Variants in OR9K2 observed in about 807,000 individuals in gnomAD.
OR9K2 encodes the protein olfactory receptor 9K2.
A neutral mutation model predicts 12.4 loss-of-function variants in OR9K2; 16 were observed. The ratio of observed to expected loss-of-function variants is 1.29; its 90% CI spans 0.87 to 1.95. OR9K2 has a LOEUF of 1.95. OR9K2 is among the 30% of genes most tolerant of loss of function. The pLI, the probability that OR9K2 is intolerant of heterozygous loss-of-function variation, is 0.00. For synonymous variants in OR9K2, 133 were observed against 133.2 expected, an observed-to-expected ratio of 1.00 and a Z score of 0.01; for missense variants, 434 against 376.5, an observed-to-expected ratio of 1.15 and a Z score of -1.26.
rs1329098761 is a variant in OR9K2, at chr12:55,131,052, T to A, written c.*276T>A. 3 of 272,288 alleles carry A rather than the reference T, an allele frequency of 1.1e-5. No homozygotes were observed. Among genetic ancestry groups the A allele is most frequent in the African/African-American group, 2.2e-5 (1 of 44,942 alleles). The allele number at this position is 272,288 out of a possible 1,614,324, so 16.9% of individuals were successfully genotyped here. ...TCACAGAATTTATATCTATTGATTC[T>A]TGTGGCATAATGTAGAACAATATTT... On this transcript the variant is annotated 3_prime_UTR_variant, in exon 3 of 3. Transcript: ENST00000641329.
In OR9K2 at chr12:55,130,086, T is replaced by C; in HGVS notation, c.252T>C (p.Ala84=). ...LFYSSVIEPK[A]MINFWSENKS... ...ATTCATCTGTTATTGAACCCAAGGC[T>C]ATGATCAACTTCTGGTCTGAAAACA... Residue 84 remains alanine (A), a synonymous_variant, in exon 3 of 3, where the codon GCT becomes GCC. Transcript: ENST00000641329. The C allele has an allele frequency of 1.2e-6, 2 of 1,613,064 alleles. No homozygotes were observed. The highest frequency in any genetic ancestry group is 2.2e-5 in the South Asian group (2 of 91,090).
At chr12:55,126,666 G>C (rs966891135) in intron 1 of OR9K2, 150 bp downstream of exon 1, 4 of 152,092 alleles carry the variant, frequency 2.6e-5, no homozygotes, top group Non-Finnish European at 4.4e-5. Context: ...TTTTAAAATA[G>C]AGCAATGAGG....
At chr12:55,128,927 A>T (rs1031833857) in intron 2 of OR9K2, among the ~76,000 whole-genome samples, 56 of 152,160 alleles carry the variant, frequency 3.7e-4, no homozygotes, top group African/African-American at 1.2e-3. Flanking sequence ...ATGGACACAT[A>T]GAGGGGAAAA....
rs1953456474 is a variant in OR9K2 at position 55,129,927 on chromosome 12, C to T, written c.93C>T (p.Phe31=). 2 of 1,613,890 alleles carry T rather than the reference C, an allele frequency of 1.2e-6. No individual in the cohort carries two copies. Among genetic ancestry groups the T allele is most frequent in the Admixed American group, 3.3e-5 (2 of 59,978 alleles). Residue 31 remains phenylalanine (F), a synonymous_variant, in exon 3 of 3, where the codon TTC becomes TTT. Transcript: ENST00000641329. ...RVRPELHILL[F]LLFLFVYAMI... ...GCCCAGAGCTCCACATTCTCCTCTT[C>T]CTGCTATTTTTGTTTGTTTATGCCA... is the stretch of plus-strand genomic sequence containing the variant.
chr12:55,130,194 C>A lies in OR9K2; in HGVS notation c.360C>A (p.Ala120=). The A allele has an allele frequency of 6.2e-7, 1 of 1,614,108 alleles. No homozygotes were observed. The highest frequency in any genetic ancestry group is 8.5e-7 in the Non-Finnish European group (1 of 1,180,004). ...LIVTEGFLLA[A]MAYDRFIAIC... is the part of the protein sequence containing the mutation. ...TGACTGAGGGATTTCTCCTGGCGGC[C>A]ATGGCTTATGACCGCTTTATTGCCA... Residue 120 remains alanine (A), a synonymous_variant, in exon 3 of 3, where the codon GCC becomes GCA. Transcript: ENST00000641329.
intron 2 of OR9K2, among the ~76,000 whole-genome samples, chr12:55,129,025 T>C (rs1592489346): frequency 1.3e-5 from 2 of 152,056 alleles, no homozygotes; most frequent in South Asian, 4.1e-4. Context: ...CTTAATACCC[T>C]GGTGATTAAA....
chr12:55,126,704 G>T (rs1953430905), intron 1 of OR9K2, 124 bp from the exon 2 acceptor site: 1 of 152,094 alleles, frequency 6.6e-6, no homozygotes, highest in African/African-American at 2.4e-5. Flanking sequence ...TCTATGGGAA[G>T]AATCTAAAAC....
chr12:55,130,217 C>T lies in OR9K2; in HGVS notation c.383C>T (p.Ala128Val), dbSNP rs1195561507. 9 of 1,613,978 alleles carry T rather than the reference C, an allele frequency of 5.6e-6. No homozygotes were observed. Among genetic ancestry groups the T allele is most frequent in the Non-Finnish European group, 6.8e-6 (8 of 1,179,998 alleles). ...GCCATGGCTTATGACCGCTTTATTG[C>T]CATCTGCAACCCTCTGCTCTACTCT... ...LAAMAYDRFI[A>V]ICNPLLYSVQ... The change falls in exon 3 of 3, where the codon GCC becomes GTC. Residue 128 changes from alanine (A) to valine (V), a missense_variant. Ala to Val is a moderately conservative substitution (Grantham distance 64). Transcript: ENST00000641329.
chr12:55,127,639 C>G (rs1452881626), intron 2 of OR9K2, among the ~76,000 whole-genome samples: 1 of 151,936 alleles, frequency 6.6e-6, no homozygotes, highest in Non-Finnish European at 1.5e-5. Context: ...TTCCATTTCT[C>G]CAAGAGTTCT....
rs1395277754 is a variant in OR9K2, at chr12:55,130,629, T to G, written c.795T>G (p.Pro265=). ...CTGTCTTTTTTATGTATCTCACTCC[T>G]GACAGATTTCCTGAGCTGAGTAAAG... ...YGAVFFMYLT[P]DRFPELSKVA... Residue 265 remains proline (P), a synonymous_variant, in exon 3 of 3, where the codon CCT becomes CCG. Coordinates refer to ENST00000641329, the MANE Select transcript of OR9K2 (RefSeq NM_001005243.2). The G allele has an allele frequency of 6.2e-7, 1 of 1,613,984 alleles. No homozygotes were observed. The highest frequency in any genetic ancestry group is 1.1e-5 in the South Asian group (1 of 91,076).
At chr12:55,129,480 C>T (rs1422820868) in intron 2 of OR9K2, among the ~76,000 whole-genome samples, 4 of 152,084 alleles carry the variant, frequency 2.6e-5, no homozygotes, top group Non-Finnish European at 4.4e-5. Context: ...TGCTCTCTTC[C>T]AGTCACTGCT....
Position 55,132,277 on chromosome 12 carries a change from G to A in OR9K2, c.*1501G>A, listed in dbSNP as rs540601489. 1.3e-5 allele frequency: 2 copies of A among 152,294 alleles called. No individual in the cohort carries two copies. Among genetic ancestry groups the A allele is most frequent in the South Asian group, 2.1e-4 (1 of 4,824 alleles). The allele number at this position is 152,294 out of a possible 1,614,324, so 9.4% of individuals were successfully genotyped here. Reference sequence around the variant, plus strand: ...GAAATAAAAGTGTTATGGGTTGAATGGTATTCCCTCAAAATTCATGTGTTG... The same window carrying A: ...GAAATAAAAGTGTTATGGGTTGAATAGTATTCCCTCAAAATTCATGTGTTG... On this transcript the variant is annotated 3_prime_UTR_variant, in exon 3 of 3. Coordinates refer to ENST00000641329, the MANE Select transcript of OR9K2 (RefSeq NM_001005243.2).
Position 55,132,398 on chromosome 12 carries a change from T to C in OR9K2, c.*1622T>C, listed in dbSNP as rs1953481125. The stretch of plus-strand genomic sequence containing the variant: ...TAAAATAAGGCTGTAAGATAAATCC[T>C]AATTCAGTATCATTTGTGTCCCTAT... On this transcript the variant is annotated 3_prime_UTR_variant, in exon 3 of 3. Transcript: ENST00000641329. 1 of 152,236 alleles carries C rather than the reference T, an allele frequency of 6.6e-6. No homozygotes were observed. The highest frequency in any genetic ancestry group is 2.4e-5 in the African/African-American group (1 of 41,470). 9.4% of individuals were successfully genotyped at this position (152,236 alleles called of 1,614,324 possible).
At chr12:55,127,197 T>A (rs1317858923) in intron 2 of OR9K2, among the ~76,000 whole-genome samples, 5 of 151,924 alleles carry the variant, frequency 3.3e-5, no homozygotes, top group African/African-American at 1.2e-4. Flanking sequence ...CAGAACATTA[T>A]GTTGACAATA....
rs559368327 is a variant in OR9K2, at chr12:55,126,894, G to C, written c.-27G>C. ...ATTGATTTTTACCAGAATCTGACCA[G>C]TTACTAAACAATACAAGGTAAAAGT... On this transcript the variant is annotated 5_prime_UTR_variant, in exon 2 of 3. Transcript: ENST00000641329. 1 of 152,010 alleles carries C rather than the reference G, an allele frequency of 6.6e-6. No homozygotes were observed. The highest frequency in any genetic ancestry group is 1.5e-5 in the Non-Finnish European group (1 of 67,968). The allele number at this position is 152,010 out of a possible 1,614,324, so 9.4% of individuals were successfully genotyped here.
chr12:55,131,020 T>G lies in OR9K2; in HGVS notation c.*244T>G. The G allele has an allele frequency of 3.0e-6, 1 of 328,534 alleles. No homozygotes were observed. Among genetic ancestry groups the G allele is most frequent in the East Asian group, 6.0e-5 (1 of 16,796 alleles). 20.4% of individuals were successfully genotyped at this position (328,534 alleles called of 1,614,324 possible). A position where few individuals can be genotyped will look rare whatever the true frequency, so the allele number is the denominator to read the frequency against. On this transcript the variant is annotated 3_prime_UTR_variant, in exon 3 of 3. Coordinates refer to ENST00000641329, the MANE Select transcript of OR9K2 (RefSeq NM_001005243.2). ...TAAACCCTCTCACTGGTCTTCAACATTTTATTTCACAGAATTTATATCTAT... is the reference window on the plus strand; with the variant it reads ...TAAACCCTCTCACTGGTCTTCAACAGTTTATTTCACAGAATTTATATCTAT...
chr12:55,130,748 T>A lies in OR9K2; in HGVS notation c.914T>A (p.Phe305Tyr), dbSNP rs1181927239. Reference protein sequence around the residue: ...NKDVQEALKKFLEKKNIIL With the variant: ...NKDVQEALKKYLEKKNIIL ...GATGTCCAAGAGGCTCTAAAAAAAT[T>A]TCTAGAGAAGAAAAATATTATTCTT... Residue 305 changes from phenylalanine to tyrosine, a missense_variant, in exon 3 of 3, where the codon TTT becomes TAT. Coordinates refer to ENST00000641329, the MANE Select transcript of OR9K2 (RefSeq NM_001005243.2). 10 of 1,568,286 alleles carry A rather than the reference T, an allele frequency of 6.4e-6. No individual in the cohort carries two copies. The highest frequency in any genetic ancestry group is 2.2e-5 in the East Asian group (1 of 44,680).
In OR9K2 at chr12:55,130,022, A is replaced by G. The variant is rs142523671; in HGVS notation, c.188A>G (p.Tyr63Cys). ...GATCCTCGGCTGAACACACCAATGTATTTTTTCCTAGGCAATCTCTCCTTC... is the reference window on the plus strand; with the variant it reads ...GATCCTCGGCTGAACACACCAATGTGTTTTTTCCTAGGCAATCTCTCCTTC... ...MTDPRLNTPM[Y>C]FFLGNLSFID... The change falls in exon 3 of 3, where the codon TAT becomes TGT. Residue 63 changes from tyrosine (Y) to cysteine (C), a missense_variant. Transcript: ENST00000641329. The G allele has an allele frequency of 6.8e-6, 11 of 1,613,270 alleles. No individual in the cohort carries two copies. The highest frequency in any genetic ancestry group is 9.3e-6 in the Non-Finnish European group (11 of 1,179,930).
In OR9K2 at chr12:55,131,950, T is replaced by C. The variant is rs1221292076; in HGVS notation, c.*1174T>C. ...TGCAGGTAAAAGACCCAAAATATATTAACTGACTAGTATGAAGAGAATGTA... is the reference window on the plus strand; with the variant it reads ...TGCAGGTAAAAGACCCAAAATATATCAACTGACTAGTATGAAGAGAATGTA... On this transcript the variant is annotated 3_prime_UTR_variant, in exon 3 of 3. Coordinates refer to ENST00000641329, the MANE Select transcript of OR9K2 (RefSeq NM_001005243.2). 6.6e-6 allele frequency: 1 copy of C among 152,136 alleles called. No individual in the cohort carries two copies. Among genetic ancestry groups the C allele is most frequent in the Non-Finnish European group, 1.5e-5 (1 of 68,034 alleles). 9.4% of individuals were successfully genotyped at this position (152,136 alleles called of 1,614,324 possible). A position where few individuals can be genotyped will look rare whatever the true frequency, so the allele number is the denominator to read the frequency against.
Sources: allele counts gnomAD v4.1 joint callset (sites outside exome capture counted in the v4.1 genomes callset), GRCh38; gene constraint gnomAD v4.1.1; transcripts MANE v1.5; gene names NCBI Gene and HGNC (gene_info 2026-07-23, HGNC 2026-07-21).